The following AUTS2 variants were observed in gnomAD, a reference collection of about 807,000 sequenced individuals.
AUTS2 encodes activator of transcription and developmental regulator AUTS2, also known as autism susceptibility gene 2 protein.
AUTS2 carries 17 observed loss-of-function variants against 112.4 expected under a neutral mutation model. The ratio of observed to expected loss-of-function variants is 0.15; its 90% CI spans 0.10 to 0.23. AUTS2 has a LOEUF of 0.23. AUTS2 is among the 10% of genes least tolerant of loss of function. The pLI is 1.00. For missense variants in AUTS2, 1,510 were observed against 1,701.6 expected (o/e 0.89, Z 1.98); for synonymous variants, 751 against 702.7 (o/e 1.07, Z -1.09).
intron 4 of AUTS2, among the ~76,000 whole-genome samples, chr7:70,178,516 C>T (rs1248401669): frequency 6.6e-6 from 1 of 152,080 alleles, no homozygotes; most frequent in Non-Finnish European, 1.5e-5. Context: ...ATAGATCCTA[C>T]AGGCCAGGCA....
At chr7:70,203,112 C>T (rs968897157) in intron 4 of AUTS2, among the ~76,000 whole-genome samples, 18 of 142,960 alleles carry the variant, frequency 1.3e-4, no homozygotes, top group African/African-American at 4.2e-4. Context: ...CCAAACACCG[C>T]ATATTCTCAC....
intron 2 of AUTS2, among the ~76,000 whole-genome samples, chr7:70,013,149 G>A (rs1487409611): frequency 6.6e-6 from 1 of 152,188 alleles, no homozygotes; most frequent in Non-Finnish European, 1.5e-5. Context: ...CTGCAGGCTT[G>A]CAGCTGTACC....
At chr7:70,230,451 G>T (rs1562804800) in intron 4 of AUTS2, among the ~76,000 whole-genome samples, 1 of 152,136 alleles carries the variant, frequency 6.6e-6, no homozygotes, top group Non-Finnish European at 1.5e-5. Flanking sequence ...TTAAAGATTG[G>T]CTAGAGATTG....
intron 4 of AUTS2, among the ~76,000 whole-genome samples, chr7:70,368,612 T>C (rs916742631): frequency 6.6e-6 from 1 of 152,180 alleles, no homozygotes; most frequent in Non-Finnish European, 1.5e-5. Flanking sequence ...TCTCTGCCCC[T>C]CAGAGACCCA....
chr7:70,308,518 A>G (rs182201844), intron 4 of AUTS2, among the ~76,000 whole-genome samples: 1 of 152,318 alleles, frequency 6.6e-6, no homozygotes, highest in East Asian at 1.9e-4. Flanking sequence ...GCTGAAGTTA[A>G]CTCATGGATT....
chr7:70,519,850 G>A (rs1799571859), intron 5 of AUTS2, among the ~76,000 whole-genome samples: 1 of 151,810 alleles, frequency 6.6e-6, no homozygotes, highest in Non-Finnish European at 1.5e-5. Flanking sequence ...CATGAGGAGG[G>A]GCAAAGGAAG....
chr7:70,622,049 G>A (rs1028963014), intron 5 of AUTS2, among the ~76,000 whole-genome samples: 3 of 151,518 alleles, frequency 2.0e-5, no homozygotes, highest in African/African-American at 7.3e-5. Flanking sequence ...TGTTGGGCAC[G>A]GTGCTCTCAA....
intron 5 of AUTS2, among the ~76,000 whole-genome samples, chr7:70,684,707 A>G (rs1009331022): frequency 6.6e-6 from 1 of 151,698 alleles, no homozygotes; most frequent in Non-Finnish European, 1.5e-5. Flanking sequence ...GGACAGTGGG[A>G]GCATGGTATT....
chr7:70,640,593 G>GTGTT (rs58452373), intron 5 of AUTS2, among the ~76,000 whole-genome samples: 24 of 144,942 alleles, frequency 1.7e-4, no homozygotes, highest in African/African-American at 6.1e-4. Flanking sequence ...GTGTGTGTGT[G>GTGTT]TAAGTGTGTA....
At chr7:69,988,414 G>A (rs897321659) in intron 2 of AUTS2, among the ~76,000 whole-genome samples, 3 of 152,198 alleles carry the variant, frequency 2.0e-5, no homozygotes, top group Non-Finnish European at 4.4e-5. Context: ...TGTCACTTAA[G>A]TGAGATGGCA....
intron 1 of AUTS2, among the ~76,000 whole-genome samples, chr7:69,719,719 A>G (rs564749446): frequency 6.6e-6 from 1 of 152,330 alleles, no homozygotes; most frequent in Admixed American, 6.5e-5. Flanking sequence ...TGCTTAAAGT[A>G]TTCTTGTCAT....
Position 70,204,825 on chromosome 7 carries a change from A to G in AUTS2, c.660+70254A>G, listed in dbSNP as rs140276833. On this transcript the variant is annotated intron_variant, in intron 4 of 18. Transcript: ENST00000342771. ...TGGTCTAGGGGAATAAAACATCCAC[A>G]CGTCCAAACCATAGTAATTCTGTTT... Among the ~76,000 whole-genome samples, 777 of 152,252 alleles carry G rather than the reference A, an allele frequency of 5.1e-3. 12 individuals carry two copies. The highest frequency in any genetic ancestry group is 0.017 in the African/African-American group (726 of 41,542).
intron 5 of AUTS2, among the ~76,000 whole-genome samples, chr7:70,531,063 A>G (rs942715774): frequency 1.5e-5 from 1 of 67,418 alleles, no homozygotes; most frequent in Admixed American, 1.3e-4. Context: ...CTGCAAAACT[A>G]AAAGTATTTG....
intron 16 of AUTS2, 76 bp downstream of exon 16, chr7:70,785,095 A>C: frequency 1.3e-6 from 2 of 1,490,280 alleles, no homozygotes; most frequent in Non-Finnish European, 1.9e-6. Flanking sequence ...CTCCCGCTGC[A>C]CCTCCGGGCA....
chr7:70,470,736 T>G (rs986216636), intron 5 of AUTS2, among the ~76,000 whole-genome samples: 16 of 152,084 alleles, frequency 1.1e-4, no homozygotes, highest in African/African-American at 2.7e-4. Context: ...AGTAGAAGCC[T>G]GTGGTTGTGG....
intron 1 of AUTS2, among the ~76,000 whole-genome samples, chr7:69,740,295 T>C (rs1378711113): frequency 6.6e-6 from 1 of 152,154 alleles, no homozygotes; most frequent in African/African-American, 2.4e-5. Context: ...CAGGAAAGAA[T>C]GACAGCTGAT....
chr7:70,582,434 A>C (rs1262996416), intron 5 of AUTS2, among the ~76,000 whole-genome samples: 1 of 152,240 alleles, frequency 6.6e-6, no homozygotes, highest in Non-Finnish European at 1.5e-5. Context: ...GAATGGCTGC[A>C]TGTGGAGAGT....
chr7:70,038,119 A>G (rs1233001309), intron 2 of AUTS2, among the ~76,000 whole-genome samples: 1 of 151,926 alleles, frequency 6.6e-6, no homozygotes, highest in Admixed American at 6.6e-5. Context: ...GAGTGTGGAA[A>G]TGGACTGCGG....
chr7:69,912,281 C>T (rs1391203204), intron 2 of AUTS2, among the ~76,000 whole-genome samples: 1 of 152,158 alleles, frequency 6.6e-6, no homozygotes, highest in African/African-American at 2.4e-5. Flanking sequence ...CGGGCAGGGG[C>T]ACTTCCCCAG....
Sources: allele counts gnomAD v4.1 joint callset (sites outside exome capture counted in the v4.1 genomes callset), GRCh38; gene constraint gnomAD v4.1.1; transcripts MANE v1.5; gene names NCBI Gene and HGNC (gene_info 2026-07-23, HGNC 2026-07-21).